Variants in TNR observed in about 807,000 individuals in gnomAD.
TNR encodes tenascin R.
TNR carries 45 observed loss-of-function variants against 150.4 expected under a neutral mutation model. The ratio of observed to expected loss-of-function variants is 0.30; its 90% CI spans 0.24 to 0.38. The LOEUF is 0.38. Ranked by LOEUF, TNR falls within the 10% of genes least tolerant of loss-of-function variation. The pLI is 1.00. For missense variants in TNR, 1,544 were observed against 1,759.1 expected (o/e 0.88, Z 2.19); for synonymous variants, 687 against 678.4 (o/e 1.01, Z -0.20).
intron 14 of TNR, among the ~76,000 whole-genome samples, chr1:175,361,866 G>T (rs78656550): frequency 6.6e-6 from 1 of 152,174 alleles, no homozygotes; most frequent in Admixed American, 6.5e-5. Context: ...CTTGCTGAGG[G>T]GCCAGAGACG....
At chr1:175,452,984 G>T (rs866457298) in intron 2 of TNR, among the ~76,000 whole-genome samples, 1 of 152,082 alleles carries the variant, frequency 6.6e-6, no homozygotes, top group Non-Finnish European at 1.5e-5. Flanking sequence ...CCGTGTAATG[G>T]ATGCAGAGAT....
At chr1:175,621,550 T>C (rs967279564) in intron 1 of TNR, among the ~76,000 whole-genome samples, 2 of 152,232 alleles carry the variant, frequency 1.3e-5, no homozygotes, top group Non-Finnish European at 2.9e-5. Context: ...AATTTCCTAA[T>C]GTATTAAATG....
chr1:175,692,792 G>A (rs2101919722), intron 1 of TNR, among the ~76,000 whole-genome samples: 1 of 152,242 alleles, frequency 6.6e-6, no homozygotes, highest in South Asian at 2.1e-4. Context: ...AAGGTGTGCA[G>A]ACAAACAGAG....
intron 1 of TNR, among the ~76,000 whole-genome samples, chr1:175,688,997 C>A (rs557031511): frequency 1.3e-5 from 2 of 152,348 alleles, no homozygotes; most frequent in East Asian, 1.9e-4. Context: ...GAATAAAACA[C>A]GGCCACTAAC....
At chr1:175,386,600 C>G (rs927032414) in intron 7 of TNR, among the ~76,000 whole-genome samples, 2 of 151,900 alleles carry the variant, frequency 1.3e-5, no homozygotes, top group Admixed American at 1.3e-4. Context: ...TTGAAAGAGT[C>G]AGCCCTGTTT....
At chr1:175,352,402 T>A (rs1651093396) in intron 18 of TNR, among the ~76,000 whole-genome samples, 1 of 152,178 alleles carries the variant, frequency 6.6e-6, no homozygotes, top group Non-Finnish European at 1.5e-5. Flanking sequence ...TAAGTGTCTG[T>A]CATCTGTGTC....
chr1:175,658,640 A>G (rs1306319702), intron 1 of TNR, among the ~76,000 whole-genome samples: 1 of 152,206 alleles, frequency 6.6e-6, no homozygotes, highest in Non-Finnish European at 1.5e-5. Context: ...CTGGCAATAT[A>G]TCTTCCCTTC....
chr1:175,581,813 A>T (rs1449834770), intron 1 of TNR, among the ~76,000 whole-genome samples: 2 of 152,232 alleles, frequency 1.3e-5, no homozygotes, highest in African/African-American at 4.8e-5. Context: ...GAAACTCAGT[A>T]ACAAGTCAGT....
intron 2 of TNR, among the ~76,000 whole-genome samples, chr1:175,481,975 C>A (rs1557960763): frequency 6.6e-6 from 1 of 152,168 alleles, no homozygotes; most frequent in Non-Finnish European, 1.5e-5. Context: ...CTGTGAAGCC[C>A]ACCTGATGCA....
At chr1:175,670,845 T>C (rs1273641146) in intron 1 of TNR, among the ~76,000 whole-genome samples, 2 of 152,134 alleles carry the variant, frequency 1.3e-5, no homozygotes, top group Non-Finnish European at 2.9e-5. Flanking sequence ...CTAAAGATAT[T>C]AATGTTGTTC....
chr1:175,476,422 AG>A (rs534454438), intron 2 of TNR, among the ~76,000 whole-genome samples: 114 of 152,280 alleles, frequency 7.5e-4, no homozygotes, highest in African/African-American at 2.7e-3. Context: ...CTCTGTAGGT[AG>A]TTTTGATGCT....
chr1:175,592,776 C>T (rs1332790429), intron 1 of TNR, among the ~76,000 whole-genome samples: 1 of 152,226 alleles, frequency 6.6e-6, no homozygotes, highest in East Asian at 1.9e-4. Flanking sequence ...GCCTCCATTT[C>T]CTTTGGTGCT....
intron 1 of TNR, among the ~76,000 whole-genome samples, chr1:175,637,487 T>C (rs900255376): frequency 1.3e-5 from 2 of 152,058 alleles, no homozygotes; most frequent in Admixed American, 1.3e-4. Context: ...ACCCACCCTA[T>C]GGTTGAGGGG....
At position 175,354,440 on chromosome 1, in the gene TNR, T is replaced by C. The variant is rs147528880; in HGVS notation, c.3333A>G (p.Ala1111=). The part of the protein sequence containing the change: ...ENTDYTVLLQ[A]AQDTTWSSIT... ...TGCTGCTCCACGTGGTGTCCTGTGC[T>C]GCCTGCAGGAGCACCGTGTAGTCTG... is the stretch of plus-strand genomic sequence containing the variant. The change falls in exon 18 of 23, where the codon GCA becomes GCG. Residue 1111 remains alanine, a synonymous_variant. Transcript: ENST00000367674. 1.4e-5 allele frequency: 23 copies of C among 1,614,036 alleles called. No individual in the cohort carries two copies. In the African/African-American group the frequency reaches 2.8e-4, roughly 20 times the overall value.
chr1:175,346,727 G>A (rs1445133637), intron 18 of TNR, among the ~76,000 whole-genome samples: 1 of 151,934 alleles, frequency 6.6e-6, no homozygotes, highest in Non-Finnish European at 1.5e-5. Flanking sequence ...CAAGAAGAAA[G>A]CAAGAGCATG....
At chr1:175,733,354 G>A (rs934200939) in intron 1 of TNR, among the ~76,000 whole-genome samples, 5 of 152,106 alleles carry the variant, frequency 3.3e-5, no homozygotes, top group African/African-American at 7.2e-5. Flanking sequence ...GAGAGAGACA[G>A]GTCTCTGCAC....
At chr1:175,732,904 TG>T (rs1667680228) in intron 1 of TNR, among the ~76,000 whole-genome samples, 1 of 152,240 alleles carries the variant, frequency 6.6e-6, no homozygotes, top group African/African-American at 2.4e-5. Flanking sequence ...GTCATGTAGA[TG>T]TTAGCGATTA....
At chr1:175,417,739 A>G (rs911407594) in intron 2 of TNR, among the ~76,000 whole-genome samples, 9 of 152,236 alleles carry the variant, frequency 5.9e-5, no homozygotes, top group African/African-American at 1.4e-4. Context: ...AGAATACCAG[A>G]TAAATTTATC....
intron 18 of TNR, among the ~76,000 whole-genome samples, chr1:175,352,859 G>T (rs182878299): frequency 2.6e-5 from 4 of 152,304 alleles, no homozygotes; most frequent in African/African-American, 9.6e-5. Flanking sequence ...TGTCATATCT[G>T]ATCAGTGTCT....
Sources: gnomAD v4.1 joint callset for allele counts (sites outside exome capture counted in the v4.1 genomes callset) on GRCh38, gnomAD v4.1.1 for gene constraint, MANE v1.5 for transcripts, NCBI Gene and HGNC (gene_info 2026-07-23, HGNC 2026-07-21) for gene names.